The following PLS1 variants were observed in gnomAD, a reference collection of about 807,000 sequenced individuals.
The protein encoded by PLS1 is plastin 1, also known as plastin-1.
A neutral mutation model predicts 73.7 loss-of-function variants in PLS1; 32 were observed. That is an observed-to-expected ratio of 0.43 (90% CI 0.33 to 0.58). The LOEUF (loss-of-function observed/expected upper bound fraction) is 0.58. Ranked by LOEUF, PLS1 falls within the 20% of genes least tolerant of loss-of-function variation. PLS1 has a pLI of 0.04. For synonymous variants in PLS1, 217 were observed against 261.3 expected (o/e 0.83, Z 1.63); for missense variants, 633 against 740.5 (o/e 0.85, Z 1.68).
Position 142,671,137 on chromosome 3 carries a change from C to A in PLS1, c.364+15C>A. On this transcript the variant is annotated intron_variant, in intron 4 of 15. Coordinates refer to ENST00000457734, the MANE Select transcript of PLS1 (RefSeq NM_001145319.2). Reference sequence around the variant, plus strand: ...TTCTTATTCAGGTAACTGACTTCTCCAAATTTGATCTTTTAGTCACTGATT... The same window carrying A: ...TTCTTATTCAGGTAACTGACTTCTCAAAATTTGATCTTTTAGTCACTGATT... 1 of 1,604,632 alleles carries A rather than the reference C, an allele frequency of 6.2e-7. No homozygotes were observed. The highest frequency in any genetic ancestry group is 1.1e-5 in the South Asian group (1 of 90,406).
At chr3:142,633,823 A>G (rs1005690748) in intron 1 of PLS1, among the ~76,000 whole-genome samples, 11 of 152,206 alleles carry the variant, frequency 7.2e-5, no homozygotes, top group Admixed American at 1.3e-4. Context: ...CAGGCATGCA[A>G]TGAAGCAGGA....
chr3:142,689,512 A>G (rs1016917906), intron 9 of PLS1, 106 bp from the exon 10 acceptor site: 27 of 474,544 alleles, frequency 5.7e-5, no homozygotes, highest in African/African-American at 4.7e-4. Context: ...ATTTTGAGTT[A>G]TTATTTGATA....
intron 1 of PLS1, among the ~76,000 whole-genome samples, chr3:142,619,235 C>T (rs924880819): frequency 6.6e-6 from 1 of 152,136 alleles, no homozygotes; most frequent in Admixed American, 6.6e-5. Context: ...CACATTAAGC[C>T]TGCTTCTCTG....
chr3:142,622,305 C>T (rs79488013), intron 1 of PLS1, among the ~76,000 whole-genome samples: 8,924 of 152,186 alleles, frequency 0.059, 821 homozygotes, highest in African/African-American at 0.2. Flanking sequence ...AAGTGGACAG[C>T]CGGCAGTGTT....
chr3:142,649,726 G>C (rs1486586280), intron 1 of PLS1, among the ~76,000 whole-genome samples: 1 of 150,844 alleles, frequency 6.6e-6, no homozygotes, highest in Non-Finnish European at 1.5e-5. Context: ...TAGGTCTAGA[G>C]ACCCTTAGGC....
intron 2 of PLS1, among the ~76,000 whole-genome samples, chr3:142,664,823 T>G (rs774368849): frequency 6.6e-6 from 1 of 152,222 alleles, no homozygotes; most frequent in Non-Finnish European, 1.5e-5. Flanking sequence ...TCACTTTTTA[T>G]AGCCATTTAG....
chr3:142,663,866 T>C (rs1310661764), intron 1 of PLS1, among the ~76,000 whole-genome samples: 1 of 152,272 alleles, frequency 6.6e-6, no homozygotes, highest in African/African-American at 2.4e-5. Flanking sequence ...TTATAAATGC[T>C]ATACTTTTCT....
chr3:142,656,139 T>C (rs1299124412), intron 1 of PLS1, among the ~76,000 whole-genome samples: 1 of 152,154 alleles, frequency 6.6e-6, no homozygotes, highest in African/African-American at 2.4e-5. Context: ...TTTTTGCATT[T>C]TTAGTAGAGA....
At position 142,684,083 on chromosome 3, in the gene PLS1, AGAAG is replaced by A. The variant is rs1055151780; in HGVS notation, c.661_664del (p.Gly221AsnfsTer29). 3.1e-6 allele frequency: 5 copies of A among 1,613,882 alleles called. No individual in the cohort carries two copies. The African/African-American group carries it at 6.7e-5, about 22-fold the overall frequency. On this transcript the variant is annotated frameshift_variant, in exon 7 of 16. Transcript: ENST00000457734. LOFTEE classifies it high-confidence loss of function. Reference sequence around the variant, plus strand: ...TCAACATTGGTGCATCAGATCTCAAAGAAGGAAAACCTCACTTGGTCTTGGGACT... The same window carrying A: ...TCAACATTGGTGCATCAGATCTCAAAGAAAACCTCACTTGGTCTTGGGACT...
chr3:142,641,175 T>TATTATA, intron 1 of PLS1, among the ~76,000 whole-genome samples: 1 of 143,344 alleles, frequency 7.0e-6, no homozygotes, highest in African/African-American at 2.6e-5. Context: ...TATATATATA[T>TATTATA]TATATATATA....
At chr3:142,647,503 C>CTTT (rs375387869) in intron 1 of PLS1, among the ~76,000 whole-genome samples, 5 of 141,936 alleles carry the variant, frequency 3.5e-5, no homozygotes, top group Non-Finnish European at 6.1e-5. Flanking sequence ...TTTTTCTTTT[C>CTTT]TTTTTTTTTT....
At chr3:142,602,828 C>A (rs947599582) in intron 1 of PLS1, among the ~76,000 whole-genome samples, 1 of 139,770 alleles carries the variant, frequency 7.2e-6, no homozygotes, top group South Asian at 2.2e-4. Context: ...AAGGCAGGGC[C>A]GCAGCTTCTG....
At chr3:142,693,809 T>TTACTATGA (rs142794618) in intron 10 of PLS1, among the ~76,000 whole-genome samples, 3,267 of 152,228 alleles carry the variant, frequency 0.021, 117 homozygotes, top group African/African-American at 0.074. Context: ...GTCCAGGAAC[T>TTACTATGA]TACTATGATG....
At chr3:142,699,319 C>T (rs1246525136) in intron 12 of PLS1, among the ~76,000 whole-genome samples, 8 of 151,958 alleles carry the variant, frequency 5.3e-5, no homozygotes, top group Admixed American at 3.9e-4. Context: ...ATTAGCCAGG[C>T]GTAGTGGTGG....
At chr3:142,662,726 C>G (rs1462627472) in intron 1 of PLS1, among the ~76,000 whole-genome samples, 1 of 151,978 alleles carries the variant, frequency 6.6e-6, no homozygotes, top group Non-Finnish European at 1.5e-5. Flanking sequence ...AAATTAGAAG[C>G]AGTACAAATA....
At chr3:142,709,130 T>C (rs748053731) in intron 14 of PLS1, among the ~76,000 whole-genome samples, 1 of 152,204 alleles carries the variant, frequency 6.6e-6, no homozygotes, top group Non-Finnish European at 1.5e-5. Flanking sequence ...GAATGAAATA[T>C]TGTTTTTAGA....
At chr3:142,683,637 T>C (rs1202974956) in intron 6 of PLS1, among the ~76,000 whole-genome samples, 2 of 152,234 alleles carry the variant, frequency 1.3e-5, no homozygotes, top group Non-Finnish European at 2.9e-5. Flanking sequence ...TTTAAAATTA[T>C]CTTAAAACCT....
chr3:142,696,720 AAATAATAATAAT>A (rs370809568), intron 11 of PLS1, among the ~76,000 whole-genome samples: 130 of 136,846 alleles, frequency 9.5e-4, no homozygotes, highest in Admixed American at 2.0e-3. Context: ...TCTATTTGCA[AAATAATAATAAT>A]AATAATAATA....
chr3:142,596,653 T>C (rs1050937670), intron 1 of PLS1, 144 bp downstream of exon 1: 4 of 152,380 alleles, frequency 2.6e-5, no homozygotes, highest in African/African-American at 9.6e-5. Context: ...GGCTGTGCAG[T>C]GTGGCGCCCG....
Sources: allele counts gnomAD v4.1 joint callset (sites outside exome capture counted in the v4.1 genomes callset), GRCh38; gene constraint gnomAD v4.1.1; transcripts MANE v1.5; gene names NCBI Gene and HGNC (gene_info 2026-07-23, HGNC 2026-07-21).